ZNF559: variants seen among roughly 807,000 people sequenced by gnomAD.
The protein encoded by ZNF559 is putative protein product of Nbla00121.
Under a neutral mutation model 14.2 loss-of-function variants are expected in ZNF559, and 17 were observed. That is an observed-to-expected ratio of 1.20 (90% CI 0.82 to 1.80). The LOEUF (loss-of-function observed/expected upper bound fraction) is 1.80. Ranked by LOEUF, ZNF559 falls within the 40% of genes most tolerant of loss-of-function variation. The pLI, the probability that ZNF559 is intolerant of heterozygous loss-of-function variation, is 0.00. For synonymous variants in ZNF559, 244 were observed against 212.4 expected (o/e 1.15, Z -1.29); for missense variants, 740 against 629.7 (o/e 1.18, Z -1.88).
intron 2 of ZNF559, chr19:9,329,999 T>C (rs1405570138): frequency 6.6e-6 from 1 of 152,204 alleles, no homozygotes; most frequent in African/African-American, 2.4e-5. Flanking sequence ...CTGTGTCTTT[T>C]CATTGGGGAA....
In ZNF559 at chr19:9,338,607, T is replaced by G. The variant is rs1266148817; in HGVS notation, c.33+25T>G. 4.6e-6 allele frequency: 7 copies of G among 1,524,780 alleles called. No individual in the cohort carries two copies. The South Asian group carries it at 7.9e-5, about 17-fold the overall frequency. The allele number at this position is 1,524,780 out of a possible 1,614,324, so 94.5% of individuals were successfully genotyped here. A position where few individuals can be genotyped will look rare whatever the true frequency, so the allele number is the denominator to read the frequency against. ...GGTAAGTAGGAAATTGCTTTTTCTG[T>G]AGAAGCATATGCTTCTTCCTACCAT... On this transcript the variant is annotated intron_variant, in intron 4 of 6. Transcript: ENST00000603380.
chr19:9,342,797 C>G lies in ZNF559; in HGVS notation c.1346C>G (p.Ser449Cys), dbSNP rs143666366. Residue 449 changes from serine to cysteine, a missense_variant, in exon 7 of 7, where the codon TCC (serine) becomes TGC (cysteine). Physicochemically the swap from Ser to Cys is moderately radical, Grantham distance 112. Coordinates refer to ENST00000603380, the MANE Select transcript of ZNF559 (RefSeq NM_032497.3). ...CEECGKAFRYSSHLSQHKRIH... is the reference protein window; with the variant it reads ...CEECGKAFRYCSHLSQHKRIH... The stretch of plus-strand genomic sequence containing the variant: ...GAATGTGGGAAAGCCTTTAGATACT[C>G]CTCGCACCTTAGTCAACATAAAAGA... The G allele has an allele frequency of 1.5e-4, 238 of 1,613,990 alleles. 1 individual carries two copies. Among genetic ancestry groups the G allele is most frequent in the Non-Finnish European group, 1.8e-4 (216 of 1,180,028 alleles).
chr19:9,331,703 C>G (rs992353533), intron 2 of ZNF559, among the ~76,000 whole-genome samples: 9 of 152,164 alleles, frequency 5.9e-5, no homozygotes, highest in African/African-American at 2.2e-4. Context: ...TTGTGCTCCT[C>G]TAGGGTTGCT....
At chr19:9,331,854 T>C (rs899636431) in intron 2 of ZNF559, among the ~76,000 whole-genome samples, 28 of 152,226 alleles carry the variant, frequency 1.8e-4, no homozygotes, top group Non-Finnish European at 2.6e-4. Context: ...ATATTACTTA[T>C]TGAATCTTAA....
chr19:9,335,324 TGTG>T (rs1309108595), intron 2 of ZNF559, among the ~76,000 whole-genome samples: 2 of 151,468 alleles, frequency 1.3e-5, no homozygotes, highest in African/African-American at 4.9e-5. Context: ...ATTGGCCGGG[TGTG>T]GTGGTGGCTT....
chr19:9,341,753 G>GT lies in ZNF559; in HGVS notation c.303dup (p.Glu102Ter), dbSNP rs771625809. On this transcript the variant is annotated frameshift_variant, in exon 7 of 7. Transcript: ENST00000603380. LOFTEE classifies it low-confidence loss of function (END_TRUNC). ...TTTAACCAATGTGAAAAAGCCTTGA[G>GT]TGAACACTCATGCCTTAAGACTCAC... The GT allele has an allele frequency of 1.9e-6, 3 of 1,600,054 alleles. No individual in the cohort carries two copies. The highest frequency in any genetic ancestry group is 3.6e-5 in the Admixed American group (2 of 55,498).
chr19:9,324,018 C>T (rs886838576), upstream of ZNF559: 26 of 762,702 alleles, frequency 3.4e-5, no homozygotes, highest in Middle Eastern at 3.3e-4. Flanking sequence ...GCAGTCAAGA[C>T]CCCCTACCGG....
At chr19:9,339,354 T>C (rs764988094) in intron 5 of ZNF559, 35 bp downstream of exon 5, 3 of 1,571,400 alleles carry the variant, frequency 1.9e-6, no homozygotes, top group Non-Finnish European at 2.6e-6. Context: ...TTTAGTTTTT[T>C]TCTGGAACAA....
chr19:9,330,678 T>C (rs2066890614), intron 2 of ZNF559, among the ~76,000 whole-genome samples: 1 of 152,216 alleles, frequency 6.6e-6, no homozygotes, highest in Non-Finnish European at 1.5e-5. Context: ...CTGGGTTGAA[T>C]TTCTCACTTC....
intron 2 of ZNF559, among the ~76,000 whole-genome samples, chr19:9,325,192 C>T (rs946498931): frequency 2.0e-5 from 3 of 152,214 alleles, no homozygotes; most frequent in Non-Finnish European, 4.4e-5. Context: ...CACCTGTAAT[C>T]CCAGCGTTTT....
chr19:9,336,601 A>C (rs903665029), intron 2 of ZNF559, among the ~76,000 whole-genome samples: 20 of 151,668 alleles, frequency 1.3e-4, no homozygotes, highest in African/African-American at 4.8e-4. Context: ...TCTCAAAAAA[A>C]AAACAAAAAA....
At chr19:9,325,631 A>G (rs775159168) in intron 2 of ZNF559, among the ~76,000 whole-genome samples, 5 of 151,972 alleles carry the variant, frequency 3.3e-5, no homozygotes, top group Non-Finnish European at 7.4e-5. Flanking sequence ...TCTTTACTCA[A>G]AATACAAAAA....
At chr19:9,340,200 C>T (rs1396080286) in intron 5 of ZNF559, among the ~76,000 whole-genome samples, 1 of 152,044 alleles carries the variant, frequency 6.6e-6, no homozygotes, top group Non-Finnish European at 1.5e-5. Context: ...GCAGAAAATT[C>T]TCCAAGATGA....
rs1423677641 is a variant in ZNF559, at chr19:9,339,288, G to A, written c.129G>A (p.Met43Ile). ...AGAGAAACTTATACAGAGATGTGATGCTGGAGAACTATAAGAATCTAGTTG... is the reference window on the plus strand; with the variant it reads ...AGAGAAACTTATACAGAGATGTGATACTGGAGAACTATAAGAATCTAGTTG... ...QTQRNLYRDV[M>I]LENYKNLVAV... is the part of the protein sequence containing the mutation. Residue 43 changes from methionine (M) to isoleucine (I), a missense_variant, in exon 5 of 7, where the codon ATG becomes ATA. Coordinates refer to ENST00000603380, the MANE Select transcript of ZNF559 (RefSeq NM_032497.3). 1 of 1,613,742 alleles carries A rather than the reference G, an allele frequency of 6.2e-7. No individual in the cohort carries two copies. Among genetic ancestry groups the A allele is most frequent in the South Asian group, 1.1e-5 (1 of 91,052 alleles).
At chr19:9,334,060 G>T (rs2067090406) in intron 2 of ZNF559, among the ~76,000 whole-genome samples, 2 of 152,160 alleles carry the variant, frequency 1.3e-5, no homozygotes, top group African/African-American at 4.8e-5. Flanking sequence ...AATATGTTTT[G>T]AAAAACAGTT....
upstream of ZNF559, chr19:9,324,137 G>A: frequency 6.5e-7 from 1 of 1,534,112 alleles, no homozygotes; most frequent in Non-Finnish European, 8.7e-7. Context: ...CCCCCTAGGT[G>A]GTCCTAGCCT....
intron 2 of ZNF559, 111 bp downstream of exon 2, chr19:9,324,891 G>C (rs2066491678): frequency 4.6e-6 from 4 of 872,026 alleles, no homozygotes; most frequent in Non-Finnish European, 7.2e-6. Context: ...ACATGGATCT[G>C]ATACCATCGA....
intron 2 of ZNF559, among the ~76,000 whole-genome samples, chr19:9,332,327 A>G (rs921048600): frequency 6.8e-6 from 1 of 146,886 alleles, no homozygotes; most frequent in Non-Finnish European, 1.5e-5. Context: ...CTTTTCATAT[A>G]TAGAGGTATA....
chr19:9,334,592 A>C (rs1369843094), intron 2 of ZNF559, among the ~76,000 whole-genome samples: 1 of 152,236 alleles, frequency 6.6e-6, no homozygotes, highest in Non-Finnish European at 1.5e-5. Flanking sequence ...AAGAGGGGCA[A>C]TGATTTAGAT....
Sources: gnomAD v4.1 joint callset for allele counts (sites outside exome capture counted in the v4.1 genomes callset) on GRCh38, gnomAD v4.1.1 for gene constraint, MANE v1.5 for transcripts, NCBI Gene and HGNC (gene_info 2026-07-23, HGNC 2026-07-21) for gene names.